RGS5: variants seen among roughly 807,000 people sequenced by gnomAD.
The protein encoded by RGS5 is regulator of G-protein signalling 5.
A neutral mutation model predicts 18.9 loss-of-function variants in RGS5; 20 were observed. The observed-to-expected ratio is 1.06, with a 90% CI of 0.74 to 1.54. The LOEUF (loss-of-function observed/expected upper bound fraction) is 1.54. Ranked by LOEUF, RGS5 falls within the 40% of genes most tolerant of loss-of-function variation. The pLI is 0.00. For missense variants in RGS5, 201 were observed against 211.8 expected, an observed-to-expected ratio of 0.95 and a Z score of 0.32; for synonymous variants, 57 against 76.2, an observed-to-expected ratio of 0.75 and a Z score of 1.31.
chr1:163,265,587 C>A (rs1239576452), intron 2 of RGS5, among the ~76,000 whole-genome samples: 2 of 151,970 alleles, frequency 1.3e-5, no homozygotes, highest in African/African-American at 2.4e-5. Flanking sequence ...ACCCCTATAT[C>A]TCTCCTTCCT....
intron 2 of RGS5, among the ~76,000 whole-genome samples, chr1:163,163,953 A>T (rs1031873181): frequency 6.6e-6 from 1 of 152,216 alleles, no homozygotes; most frequent in East Asian, 1.9e-4. Flanking sequence ...AAACTTAAGC[A>T]TGTTATCCAA....
chr1:163,239,041 C>A, intron 2 of RGS5: 1 of 213,650 alleles, frequency 4.7e-6, no homozygotes, highest in South Asian at 1.0e-4. Flanking sequence ...ACTGCGGTAC[C>A]AAGGAGAGCA....
chr1:163,164,754 T>A (rs558396536), intron 2 of RGS5, among the ~76,000 whole-genome samples: 2 of 152,372 alleles, frequency 1.3e-5, no homozygotes, highest in South Asian at 4.1e-4. Context: ...TTATTACTGC[T>A]ATTGGCAATG....
intron 3 of RGS5, among the ~76,000 whole-genome samples, chr1:163,155,171 C>T (rs1657532935): frequency 6.6e-6 from 1 of 152,020 alleles, no homozygotes; most frequent in African/African-American, 2.4e-5. Flanking sequence ...TTCTAATTAG[C>T]CCCATATCCC....
intron 1 of RGS5, among the ~76,000 whole-genome samples, chr1:163,208,347 CAAAAAAAAA>C (rs55848330): frequency 3.2e-4 from 12 of 37,894 alleles, no homozygotes; most frequent in Non-Finnish European, 2.3e-4. Flanking sequence ...GACTCCGTCT[CAAAAAAAAA>C]AAAAAAAAAA....
intron 4 of RGS5, among the ~76,000 whole-genome samples, chr1:163,147,921 T>TTTTTTCTTTTTTTTC (rs1338625599): frequency 2.3e-5 from 3 of 131,536 alleles, no homozygotes; most frequent in Non-Finnish European, 4.8e-5. Context: ...TCTTTTTCTT[T>TTTTTTCTTTTTTTTC]TTTTTTTTTT....
chr1:163,306,300 T>C (rs1649697217), exon 2 of RGS5: 1 of 152,196 alleles, frequency 6.6e-6, no homozygotes, highest in African/African-American at 2.4e-5. Context: ...TCTGAAGATA[T>C]CCAGACAGTG....
intron 3 of RGS5, among the ~76,000 whole-genome samples, chr1:163,156,558 T>C (rs890343452): frequency 6.6e-6 from 1 of 152,164 alleles, no homozygotes; most frequent in African/African-American, 2.4e-5. Context: ...CATTAGGCTG[T>C]TAATTCTTTG....
chr1:163,292,099 C>T (rs757114121), intron 2 of RGS5, among the ~76,000 whole-genome samples: 1 of 152,048 alleles, frequency 6.6e-6, no homozygotes, highest in Non-Finnish European at 1.5e-5. Flanking sequence ...GTTTGCTGCA[C>T]AGATCATCCC....
At chr1:163,267,434 ATT>A (rs1236041138) in intron 2 of RGS5, 1 of 152,144 alleles carries the variant, frequency 6.6e-6, no homozygotes, top group Non-Finnish European at 1.5e-5. Flanking sequence ...GAGGGTTGTG[ATT>A]TGAACATTGA....
rs140787855 is a variant in RGS5, at chr1:163,241,975, G to A, written c.-281+64258C>T. 9.6e-3 allele frequency among the ~76,000 whole-genome samples: 1,464 copies of A among 152,230 alleles called. 19 individuals carry two copies. Among genetic ancestry groups the A allele is most frequent in the Middle Eastern group, 0.075 (22 of 294 alleles). On this transcript the variant is annotated intron_variant, in intron 2 of 5. Transcript: ENST00000618415. ...CAAGATTGAACTAGATTAATTGTCCGTAGAGTATTAATCTCAAGCACCTCA... is the reference window on the plus strand; with the variant it reads ...CAAGATTGAACTAGATTAATTGTCCATAGAGTATTAATCTCAAGCACCTCA...
chr1:163,180,381 A>G (rs974166365), intron 1 of RGS5, among the ~76,000 whole-genome samples: 2 of 152,050 alleles, frequency 1.3e-5, no homozygotes, highest in African/African-American at 4.8e-5. Flanking sequence ...TCCTCTTCCT[A>G]TTGCAGTGCC....
intron 2 of RGS5, among the ~76,000 whole-genome samples, chr1:163,286,288 A>G (rs1478350026): frequency 1.3e-5 from 2 of 152,178 alleles, no homozygotes; most frequent in African/African-American, 2.4e-5. Context: ...GCCATTTTAC[A>G]TAAGGGACTT....
intron 1 of RGS5, among the ~76,000 whole-genome samples, chr1:163,189,189 G>C (rs1258241275): frequency 2.0e-5 from 3 of 152,058 alleles, no homozygotes; most frequent in African/African-American, 7.3e-5. Flanking sequence ...CATTTGCATG[G>C]GCACTCCATA....
At chr1:163,186,546 T>G (rs529095542) in intron 1 of RGS5, among the ~76,000 whole-genome samples, 1,352 of 119,858 alleles carry the variant, frequency 0.011, 6 homozygotes, top group Non-Finnish European at 0.017. Flanking sequence ...ACCACTGCAC[T>G]CCAGCCTGGG....
At chr1:163,223,421 A>G (rs1647271133) in intron 2 of RGS5, among the ~76,000 whole-genome samples, 1 of 152,144 alleles carries the variant, frequency 6.6e-6, no homozygotes, top group South Asian at 2.1e-4. Flanking sequence ...CCTCCCACTA[A>G]TGTATTTCTT....
intron 3 of RGS5, among the ~76,000 whole-genome samples, chr1:163,158,327 G>A (rs1441034242): frequency 6.6e-6 from 1 of 152,128 alleles, no homozygotes; most frequent in Non-Finnish European, 1.5e-5. Context: ...CACAGAGAAA[G>A]ACAAGTCATG....
Position 163,164,133 on chromosome 1 carries a change from A to G in RGS5, c.156-2157T>C, listed in dbSNP as rs147314503. Among the ~76,000 whole-genome samples the G allele has an allele frequency of 2.5e-3, 380 of 152,298 alleles. 1 individual carries two copies. Among genetic ancestry groups the G allele is most frequent in the African/African-American group, 8.9e-3 (369 of 41,568 alleles). ...TCAAGTAGGATACATCCCCCACAGC[A>G]TGAAGCCCAGCATTTTGATTACCAG... On this transcript the variant is annotated intron_variant, in intron 2 of 4. Transcript: ENST00000313961.
At chr1:163,169,368 G>T (rs911963167) in intron 1 of RGS5, among the ~76,000 whole-genome samples, 2 of 152,098 alleles carry the variant, frequency 1.3e-5, no homozygotes, top group African/African-American at 4.8e-5. Context: ...AATCCTTTGG[G>T]TATATACCCA....
Sources: gnomAD v4.1 joint callset for allele counts (sites outside exome capture counted in the v4.1 genomes callset) on GRCh38, gnomAD v4.1.1 for gene constraint, MANE v1.5 for transcripts, NCBI Gene and HGNC (gene_info 2026-07-23, HGNC 2026-07-21) for gene names.